Variants in TTN observed in about 807,000 individuals in gnomAD.
The protein encoded by TTN is connectin.
A neutral mutation model predicts 3,223.0 loss-of-function variants in TTN; 1,525 were observed. The ratio of observed to expected loss-of-function variants is 0.47; its 90% CI spans 0.45 to 0.49. The LOEUF (loss-of-function observed/expected upper bound fraction) is 0.49, where lower values mean the gene tolerates loss of function less well. Among genes scored for constraint, TTN ranks in the 20% least tolerant of loss-of-function variants. The pLI is 0.00. For missense variants in TTN, 40,786 were observed against 43,424.0 expected, an observed-to-expected ratio of 0.94 and a Z score of 5.40; for synonymous variants, 14,094 against 15,161.0, an observed-to-expected ratio of 0.93 and a Z score of 5.17.
At chr2:178,765,399 C>G (rs1349530408) in intron 41 of TTN, among the ~76,000 whole-genome samples, 4 of 152,166 alleles carry the variant, frequency 2.6e-5, no homozygotes, top group Non-Finnish European at 5.9e-5. Context: ...AGCATATTCT[C>G]AGTGCTGTGA....
Position 178,541,357 on chromosome 2 carries a change from C to A in TTN, c.97720G>T (p.Val32574Phe). Residue 32574 changes from valine (V) to phenylalanine (F), a missense_variant, in exon 350 of 363, where the codon GTC becomes TTC. Val to Phe is a conservative substitution (Grantham distance 50, BLOSUM62 -1). Transcript: ENST00000589042. ...GACCCTCTTGCATTAATGGCTGTGA[C>A]ACGGTGTTCATATTCTAAGCCTTCA... ...LTEGLEYEHR[V>F]TAINARGSGK... 1 of 1,595,796 alleles carries A rather than the reference C, an allele frequency of 6.3e-7. No individual in the cohort carries two copies.
intron 47 of TTN, chr2:178,744,737 T>C: frequency 1.9e-5 from 19 of 984,648 alleles, no homozygotes; most frequent in Non-Finnish European, 2.2e-5. Flanking sequence ...AGTTTTAAAA[T>C]CTATATGTAA....
At chr2:178,731,230 G>C (rs747718569) in intron 59 of TTN, 27 bp from the exon 60 acceptor site, 1 of 1,611,134 alleles carries the variant, frequency 6.2e-7, no homozygotes, top group Non-Finnish European at 8.5e-7. Flanking sequence ...GATAGATGTG[G>C]GTTGTGCATT....
chr2:178,576,753 A>G lies in TTN; in HGVS notation c.69491T>C (p.Val23164Ala). The change falls in exon 325 of 363, where the codon GTG becomes GCG. Residue 23164 changes from valine (V) to alanine (A), a missense_variant. Val to Ala is a moderately conservative substitution (Grantham distance 64). Transcript: ENST00000589042. This position sits in a 1 kb window ranked among gnomAD's most constrained non-coding sequence, Gnocchi z 4.3. ...TGTAATTTCGCTGCCACCATCATCC[A>G]CTGGCCTTTTCCAGCTGACAGTGGC... ...NTATVSWKRP[V>A]DDGGSEITGY... 1 of 1,613,356 alleles carries G rather than the reference A, an allele frequency of 6.2e-7. No individual in the cohort carries two copies. Among genetic ancestry groups the G allele is most frequent in the Non-Finnish European group, 8.5e-7 (1 of 1,179,586 alleles).
In TTN at chr2:178,552,248, T is replaced by C. The variant is rs768528782; in HGVS notation, c.90652A>G (p.Thr30218Ala). The change falls in exon 335 of 363, where the codon ACA (threonine) becomes GCA (alanine). Residue 30218 changes from threonine to alanine, a missense_variant. Physicochemically the swap from Thr to Ala is moderately conservative, Grantham distance 58. Transcript: ENST00000589042. ...NAVCRIAVPI[T>A]VITLGPPSKP... ...GATGGTGGGCCAAGGGTGATGACTG[T>C]AATGGGGACTGCAATTCTACACACT... 3.1e-6 allele frequency: 5 copies of C among 1,613,456 alleles called. No individual in the cohort carries two copies. In the East Asian group the frequency reaches 8.9e-5, roughly 29 times the overall value.
rs573942670 is a variant in TTN, at chr2:178,609,036, G to T, written c.52103-128C>A. ...CCACATCTATCTTTGTATTCCATTAGCTAATAAATAACAAGATCAGGTGAT... is the reference window on the plus strand; with the variant it reads ...CCACATCTATCTTTGTATTCCATTATCTAATAAATAACAAGATCAGGTGAT... On this transcript the variant is annotated intron_variant, in intron 273 of 362. Coordinates refer to ENST00000589042, the MANE Select transcript of TTN (RefSeq NM_001267550.2). 3.4e-5 allele frequency: 44 copies of T among 1,312,540 alleles called. No homozygotes were observed. The African/African-American group carries it at 6.1e-4, about 18-fold the overall frequency. 81.3% of individuals were successfully genotyped at this position (1,312,540 alleles called of 1,614,324 possible). A position where few individuals can be genotyped will look rare whatever the true frequency, so the allele number is the denominator to read the frequency against.
intron 155 of TTN, among the ~76,000 whole-genome samples, 197 bp from the exon 156 acceptor site, chr2:178,671,367 CA>C (rs2066938936): frequency 6.6e-6 from 1 of 151,762 alleles, no homozygotes; most frequent in Admixed American, 6.6e-5. Context: ...TAAACACACA[CA>C]CACACACATT....
intron 2 of TTN, among the ~76,000 whole-genome samples, chr2:178,803,322 G>A (rs543081213): frequency 4.4e-4 from 67 of 152,194 alleles, no homozygotes; most frequent in Middle Eastern, 3.4e-3. Flanking sequence ...ATATGAAGTA[G>A]CCAGATTCCA....
At position 178,602,679 on chromosome 2, in the gene TTN, T is replaced by C. The variant is rs546629176; in HGVS notation, c.54812-89A>G. 3.3e-5 allele frequency: 32 copies of C among 963,020 alleles called. No homozygotes were observed. In the African/African-American group the frequency reaches 5.3e-4, roughly 16 times the overall value. 59.7% of individuals were successfully genotyped at this position (963,020 alleles called of 1,614,324 possible). On this transcript the variant is annotated intron_variant, in intron 282 of 362. Coordinates refer to ENST00000589042, the MANE Select transcript of TTN (RefSeq NM_001267550.2). Reference sequence around the variant, plus strand: ...TTACTACACATGATCATATATTATTTTAATCTATTAAAATATTAAAATAGA... The same window carrying C: ...TTACTACACATGATCATATATTATTCTAATCTATTAAAATATTAAAATAGA...
chr2:178,545,357 A>G, intron 344 of TTN, 31 bp downstream of exon 344: 1 of 1,512,674 alleles, frequency 6.6e-7, no homozygotes, highest in Non-Finnish European at 8.8e-7. Context: ...TTTGAGGAGC[A>G]TTGTATTTAT....
chr2:178,564,866 A>C lies in TTN; in HGVS notation c.81266T>G (p.Met27089Arg). ...CACTGGCTCATGCCATTGCACAAGC[A>C]TCTGATCTTTTGAGATTGATGTCAC... ...PFVTSISKDQ[M>R]LVQWHEPVND... The change falls in exon 326 of 363, where the codon ATG (methionine) becomes AGG (arginine). Residue 27089 changes from methionine to arginine, a missense_variant. Coordinates refer to ENST00000589042, the MANE Select transcript of TTN (RefSeq NM_001267550.2). The C allele has an allele frequency of 6.2e-7, 1 of 1,613,024 alleles. No individual in the cohort carries two copies. The highest frequency in any genetic ancestry group is 8.5e-7 in the Non-Finnish European group (1 of 1,179,564).
chr2:178,593,881 A>C lies in TTN; in HGVS notation c.58433-14T>G, dbSNP rs1432205242. On this transcript the variant is annotated splice_polypyrimidine_tract_variant and intron_variant, in intron 297 of 362. Coordinates refer to ENST00000589042, the MANE Select transcript of TTN (RefSeq NM_001267550.2). ...GTCCAGGACGGTCTGCAGAAAAAAA[A>C]AATCATGGCACAAAATGTTATTGCC... 6.2e-7 allele frequency: 1 copy of C among 1,607,600 alleles called. No individual in the cohort carries two copies. The highest frequency in any genetic ancestry group is 1.3e-5 in the African/African-American group (1 of 74,514).
In TTN at chr2:178,714,129, C is replaced by T. The variant is rs747558822; in HGVS notation, c.26529G>A (p.Thr8843=). 4.3e-6 allele frequency: 7 copies of T among 1,613,406 alleles called. No homozygotes were observed. The highest frequency in any genetic ancestry group is 2.7e-5 in the African/African-American group (2 of 74,878). The change falls in exon 92 of 363, where the codon ACG becomes ACA. Residue 8843 remains threonine, a synonymous_variant. Transcript: ENST00000589042. ...TACACTCCAAGGTACAGGTGTCTCC[C>T]GTGGTAACTTTTATGGATTCTGGCT... ...VEKPESIKVT[T]GDTCTLECTV...
Position 178,588,714 on chromosome 2 carries a change from T to C in TTN, c.63011A>G (p.Glu21004Gly). Residue 21004 changes from glutamate to glycine, a missense_variant, in exon 304 of 363, where the codon GAA becomes GGA. Coordinates refer to ENST00000589042, the MANE Select transcript of TTN (RefSeq NM_001267550.2). Reference sequence around the variant, plus strand: ...AGGGACCCATCGTGTTGAATGCTTTTCCTTTTTCTCCAAAAAGTATCCAGT... The same window carrying C: ...AGGGACCCATCGTGTTGAATGCTTTCCCTTTTTCTCCAAAAAGTATCCAGT... ...SITGYFLEKK[E>G]KHSTRWVPVN... 6.2e-7 allele frequency: 1 copy of C among 1,613,290 alleles called. No individual in the cohort carries two copies. Among genetic ancestry groups the C allele is most frequent in the Non-Finnish European group, 8.5e-7 (1 of 1,179,534 alleles).
chr2:178,576,049 A>G lies in TTN; in HGVS notation c.70083T>C (p.Ser23361=), dbSNP rs766781496. The G allele has an allele frequency of 1.9e-6, 3 of 1,613,400 alleles. No homozygotes were observed. The highest frequency in any genetic ancestry group is 2.5e-6 in the Non-Finnish European group (3 of 1,179,626). ...CTTTAATTGGCACAAATATCCTAATACTGAGTCCTGCTCTAACAACAAGTG... is the reference window on the plus strand; with the variant it reads ...CTTTAATTGGCACAAATATCCTAATGCTGAGTCCTGCTCTAACAACAAGTG... The part of the protein sequence containing the change: ...RRTLVVRAGL[S]IRIFVPIKGR... The change falls in exon 326 of 363, where the codon AGT becomes AGC. Residue 23361 remains serine, a synonymous_variant. Transcript: ENST00000589042. The surrounding 1 kb of genome is among the most constrained non-coding windows in gnomAD (Gnocchi z 4.3).
rs767889522 is a variant in TTN, at chr2:178,593,235, T to C, written c.58973A>G (p.Asn19658Ser). 16 of 1,613,350 alleles carry C rather than the reference T, an allele frequency of 9.9e-6. No homozygotes were observed. The highest frequency in any genetic ancestry group is 1.3e-5 in the African/African-American group (1 of 74,906). ...CQYEFRVSAENEIGIGDPSPP... is the reference protein window; with the variant it reads ...CQYEFRVSAESEIGIGDPSPP... Reference sequence around the variant, plus strand: ...GCTTGGATCTCCAATACCAATTTCATTTTCTGCAGAAACCCGGAATTCATA... The same window carrying C: ...GCTTGGATCTCCAATACCAATTTCACTTTCTGCAGAAACCCGGAATTCATA... Residue 19658 changes from asparagine to serine, a missense_variant, in exon 299 of 363, where the codon AAT becomes AGT. Physicochemically the swap from Asn to Ser is conservative, Grantham distance 46 (BLOSUM62 1). Coordinates refer to ENST00000589042, the MANE Select transcript of TTN (RefSeq NM_001267550.2).
chr2:178,670,130 G>T, intron 157 of TTN, 88 bp downstream of exon 157: 1 of 785,060 alleles, frequency 1.3e-6, no homozygotes, highest in Non-Finnish European at 1.9e-6. Flanking sequence ...TAGCCATCTT[G>T]TGGCATTGAG....
chr2:178,723,690 G>C lies in TTN; in HGVS notation c.21410C>G (p.Pro7137Arg), dbSNP rs886043853. ...CRAVLTVQEP[P>R]SFVKEPEPLE... ...AGGTTCAGGTTCTTTCACAAAAGAG[G>C]GTGGTTCTATATAGACATGGAGAAC... The change falls in exon 74 of 363, where the codon CCC becomes CGC. Residue 7137 changes from proline (P) to arginine (R), a missense_variant. Pro to Arg is a moderately radical substitution (Grantham distance 103). Coordinates refer to ENST00000589042, the MANE Select transcript of TTN (RefSeq NM_001267550.2). The C allele has an allele frequency of 2.5e-6, 4 of 1,580,130 alleles. No homozygotes were observed. Among genetic ancestry groups the C allele is most frequent in the Non-Finnish European group, 3.4e-6 (4 of 1,166,056 alleles).
chr2:178,776,629 A>C lies in TTN; in HGVS notation c.5235T>G (p.Leu1745=), dbSNP rs1387134518. ...TCATACGGAGCCTGTTGGCTGCTTC[A>C]AGTGGCTTTCCATCATGGAGCCACT... The part of the protein sequence containing the change: ...VVEWLHDGKP[L]EAANRLRMIN... The change falls in exon 28 of 363, where the codon CTT becomes CTG. Residue 1745 remains leucine, a synonymous_variant. Coordinates refer to ENST00000589042, the MANE Select transcript of TTN (RefSeq NM_001267550.2). The C allele has an allele frequency of 6.2e-7, 1 of 1,614,084 alleles. No homozygotes were observed. Among genetic ancestry groups the C allele is most frequent in the Admixed American group, 1.7e-5 (1 of 60,002 alleles).
Sources: gnomAD v4.1 joint callset for allele counts (sites outside exome capture counted in the v4.1 genomes callset) on GRCh38, gnomAD v4.1.1 for gene constraint, Gnocchi (gnomAD v3.1) non-coding constraint, MANE v1.5 for transcripts, NCBI Gene and HGNC (gene_info 2026-07-23, HGNC 2026-07-21) for gene names.